The following RBMS3 variants were observed in gnomAD, a reference collection of about 807,000 sequenced individuals.
The protein encoded by RBMS3 is RNA-binding motif, single-stranded-interacting protein 3.
A neutral mutation model predicts 66.8 loss-of-function variants in RBMS3; 27 were observed. That is an observed-to-expected ratio of 0.40 (90% CI 0.30 to 0.56). The LOEUF is 0.56. RBMS3 is among the 20% of genes least tolerant of loss of function. The pLI, the probability that RBMS3 is intolerant of heterozygous loss-of-function variation, is 0.40. For synonymous variants in RBMS3, 188 were observed against 183.0 expected, an observed-to-expected ratio of 1.03 and a Z score of -0.22; for missense variants, 513 against 549.5, an observed-to-expected ratio of 0.93 and a Z score of 0.66.
At chr3:30,002,922 C>T (rs1380242353) in intron 14 of RBMS3, among the ~76,000 whole-genome samples, 1 of 151,992 alleles carries the variant, frequency 6.6e-6, no homozygotes, top group Non-Finnish European at 1.5e-5. Context: ...AATCATACAT[C>T]TTATATAGTA....
intron 6 of RBMS3, among the ~76,000 whole-genome samples, chr3:29,836,224 C>A (rs2058504531): frequency 6.6e-6 from 1 of 151,934 alleles, no homozygotes; most frequent in Non-Finnish European, 1.5e-5. Context: ...CAAACTCTTT[C>A]AAAAAATTAA....
intron 2 of RBMS3, among the ~76,000 whole-genome samples, chr3:29,468,897 C>T (rs1042638272): frequency 6.6e-6 from 1 of 152,074 alleles, no homozygotes; most frequent in Non-Finnish European, 1.5e-5. Flanking sequence ...TAGATAAAGT[C>T]ATTTTCTAGT....
intron 2 of RBMS3, among the ~76,000 whole-genome samples, chr3:29,457,772 G>T (rs567218781): frequency 8.6e-5 from 13 of 151,406 alleles, no homozygotes; most frequent in African/African-American, 1.9e-4. Context: ...ATTAAATACA[G>T]GTTGCTTCCC....
At chr3:29,849,203 T>TGTGC (rs1322550222) in intron 6 of RBMS3, among the ~76,000 whole-genome samples, 1 of 151,790 alleles carries the variant, frequency 6.6e-6, no homozygotes, top group African/African-American at 2.4e-5. Flanking sequence ...TGTGTGTGTG[T>TGTGC]GTGTGTATTT....
At position 29,780,524 on chromosome 3, in the gene RBMS3, G is replaced by T. The variant is rs907657272; in HGVS notation, c.637+17535G>T. Reference sequence around the variant, plus strand: ...GTCTTTTAAAAAAATCACCTTAAATGTAAGAGATTTCATTAATATTCATTT... The same window carrying T: ...GTCTTTTAAAAAAATCACCTTAAATTTAAGAGATTTCATTAATATTCATTT... On this transcript the variant is annotated intron_variant, in intron 6 of 14. Transcript: ENST00000383767. 2.0e-5 allele frequency among the ~76,000 whole-genome samples: 3 copies of T among 152,000 alleles called. No homozygotes were observed. In the South Asian group the frequency reaches 6.2e-4, roughly 32 times the overall value.
chr3:29,688,334 T>C (rs1196748957), intron 4 of RBMS3, among the ~76,000 whole-genome samples: 1 of 152,048 alleles, frequency 6.6e-6, no homozygotes, highest in Non-Finnish European at 1.5e-5. Flanking sequence ...TTGAAGAGCT[T>C]AATGCACTCT....
intron 4 of RBMS3, among the ~76,000 whole-genome samples, chr3:29,681,248 G>C (rs898150191): frequency 1.3e-5 from 2 of 152,180 alleles, no homozygotes; most frequent in African/African-American, 4.8e-5. Flanking sequence ...TGAAAAAAAT[G>C]TACAAAGAGA....
intron 1 of RBMS3, among the ~76,000 whole-genome samples, chr3:29,309,538 C>T (rs1254610808): frequency 6.9e-6 from 1 of 145,608 alleles, no homozygotes; most frequent in Non-Finnish European, 1.5e-5. Context: ...CATCACAGCA[C>T]AAACAAGATT....
At chr3:29,988,560 C>A (rs936987865) in intron 13 of RBMS3, among the ~76,000 whole-genome samples, 27 of 152,142 alleles carry the variant, frequency 1.8e-4, no homozygotes, top group African/African-American at 6.5e-4. Context: ...TGAACTAATT[C>A]TCTAATGCCT....
At chr3:29,786,894 G>A (rs2056839376) in intron 6 of RBMS3, among the ~76,000 whole-genome samples, 1 of 152,100 alleles carries the variant, frequency 6.6e-6, no homozygotes, top group South Asian at 2.1e-4. Flanking sequence ...AATGAGCAGA[G>A]TTAACAGACA....
chr3:29,686,274 T>C (rs2149266967), intron 4 of RBMS3, among the ~76,000 whole-genome samples: 1 of 152,332 alleles, frequency 6.6e-6, no homozygotes, highest in Middle Eastern at 3.4e-3. Context: ...TATGGTCTTC[T>C]TGAGTCCCCC....
At chr3:29,420,556 GTTTGTTTTTT>G (rs985925311) in intron 1 of RBMS3, among the ~76,000 whole-genome samples, 69 of 60,152 alleles carry the variant, frequency 1.1e-3, no homozygotes, top group African/African-American at 4.2e-3. Flanking sequence ...GTGTACTTAG[GTTTGTTTTTT>G]TTTGTTTTGT....
In RBMS3 at chr3:29,370,469, T is replaced by C. The variant is rs1575638869; in HGVS notation, c.76-64274T>C. ...TATTTTAGTTCTTTTTAGACTCAAC[T>C]ATGCACACCCTTTAGATTTAGTATT... On this transcript the variant is annotated intron_variant, in intron 1 of 14. Transcript: ENST00000383767. 2.6e-5 allele frequency among the ~76,000 whole-genome samples: 4 copies of C among 152,326 alleles called. No individual in the cohort carries two copies. The East Asian group carries it at 5.8e-4, about 22-fold the overall frequency.
intron 4 of RBMS3, among the ~76,000 whole-genome samples, chr3:29,727,849 A>C (rs1422499719): frequency 6.6e-6 from 1 of 152,208 alleles, no homozygotes; most frequent in Non-Finnish European, 1.5e-5. Context: ...CAGCAATCGC[A>C]TTACTGGGTA....
chr3:29,771,824 G>A (rs2056217540), intron 6 of RBMS3, among the ~76,000 whole-genome samples: 1 of 151,962 alleles, frequency 6.6e-6, no homozygotes, highest in South Asian at 2.1e-4. Flanking sequence ...GAGTGAAGGA[G>A]GAGGTGCTAC....
At chr3:29,524,150 T>G (rs766448423) in intron 3 of RBMS3, among the ~76,000 whole-genome samples, 5 of 152,144 alleles carry the variant, frequency 3.3e-5, no homozygotes, top group Non-Finnish European at 7.4e-5. Context: ...ACTATTACCA[T>G]GTCAAATTTC....
intron 1 of RBMS3, among the ~76,000 whole-genome samples, chr3:29,339,013 G>T (rs997020948): frequency 3.3e-5 from 5 of 152,118 alleles, no homozygotes; most frequent in Non-Finnish European, 5.9e-5. Flanking sequence ...TTTGCTAGCA[G>T]ACCTCACTCA....
intron 4 of RBMS3, among the ~76,000 whole-genome samples, chr3:29,693,702 G>A (rs563948601): frequency 2.4e-4 from 37 of 151,982 alleles, no homozygotes; most frequent in African/African-American, 7.0e-4. Flanking sequence ...TGCCCTTCTC[G>A]GTAGAGAAAT....
intron 6 of RBMS3, among the ~76,000 whole-genome samples, chr3:29,834,914 C>T (rs1002536069): frequency 2.6e-5 from 4 of 151,804 alleles, no homozygotes; most frequent in Non-Finnish European, 5.9e-5. Flanking sequence ...TAAGGAAATT[C>T]GTAGACTGAA....
Sources: gnomAD v4.1 joint callset for allele counts (sites outside exome capture counted in the v4.1 genomes callset) on GRCh38, gnomAD v4.1.1 for gene constraint, MANE v1.5 for transcripts, NCBI Gene and HGNC (gene_info 2026-07-23, HGNC 2026-07-21) for gene names.